The following CGN variants were observed in gnomAD, a reference collection of about 807,000 sequenced individuals.
CGN encodes cingulin.
In CGN, 121 loss-of-function variants were observed where a neutral mutation model predicts 157.1. The ratio of observed to expected loss-of-function variants is 0.77; its 90% confidence interval spans 0.66 to 0.90. The LOEUF (loss-of-function observed/expected upper bound fraction) is 0.90, where lower values mean the gene tolerates loss of function less well. CGN is among the 40% of genes least tolerant of loss of function. CGN has a pLI of 0.00. For synonymous variants in CGN, 535 were observed against 607.5 expected (o/e 0.88, Z 1.76); for missense variants, 1,424 against 1,520.9 (o/e 0.94, Z 1.06).
In CGN at chr1:151,532,488, G is replaced by C. The variant is rs749274157; in HGVS notation, c.2658G>C (p.Glu886Asp). 3 of 1,610,484 alleles carry C rather than the reference G, an allele frequency of 1.9e-6. No homozygotes were observed. The South Asian group carries it at 3.3e-5, about 18-fold the overall frequency. Residue 886 changes from glutamate (E) to aspartate (D), a missense_variant, in exon 14 of 21, where the codon GAG becomes GAC. Glu to Asp is a conservative substitution (Grantham distance 45). This residue lies in a region of CGN where 1,187 missense variants were observed against 1,217.6 expected (regional missense o/e 0.97). Transcript: ENST00000271636. The stretch of plus-strand genomic sequence containing the variant: ...ATTATAAGGAAAAGGCCCGGCGGGA[G>C]GTGGCAGATGCCCAGCGCCAGGCCA... ...LEDYKEKARR[E>D]VADAQRQAKD... is the part of the protein sequence containing the mutation.
At chr1:151,520,305 C>T (rs1450212771) in intron 3 of CGN, 39 bp downstream of exon 3, 1 of 1,570,568 alleles carries the variant, frequency 6.4e-7, no homozygotes, top group Non-Finnish European at 8.8e-7. Flanking sequence ...GCATACCCCT[C>T]CTTCTTTTTC....
At chr1:151,532,645 A>C (rs1212359182) in intron 14 of CGN, 73 bp downstream of exon 14, 9 of 1,188,050 alleles carry the variant, frequency 7.6e-6, no homozygotes, top group Middle Eastern at 3.2e-4. Flanking sequence ...TCCGAGACAG[A>C]GTCTCACTCT....
rs559529153 is a variant in CGN at position 151,532,701 on chromosome 1, G to A, written c.2742+129G>A. The A allele has an allele frequency of 1.4e-4, 96 of 664,590 alleles. No individual in the cohort carries two copies. In the South Asian group the frequency reaches 3.2e-3, roughly 22 times the overall value. The allele number at this position is 664,590 out of a possible 1,614,324, so 41.2% of individuals were successfully genotyped here. ...GTGGCGCGATCTTGGCTCACTGCAAGCTCTGCCTCCGGGGTTCACACCATT... is the reference window on the plus strand; with the variant it reads ...GTGGCGCGATCTTGGCTCACTGCAAACTCTGCCTCCGGGGTTCACACCATT... On this transcript the variant is annotated intron_variant, in intron 14 of 20. Coordinates refer to ENST00000271636, the MANE Select transcript of CGN (RefSeq NM_020770.3).
chr1:151,534,169 G>T, intron 15 of CGN, 33 bp downstream of exon 15: 2 of 1,541,022 alleles, frequency 1.3e-6, no homozygotes, highest in South Asian at 2.4e-5. Flanking sequence ...TGTGGAAAAA[G>T]GGTGGGACTT....
intron 20 of CGN, 30 bp downstream of exon 20, chr1:151,536,923 T>C (rs573897294): frequency 4.9e-5 from 79 of 1,606,326 alleles, no homozygotes; most frequent in Admixed American, 6.7e-5. Flanking sequence ...CCTTGCTCCA[T>C]AGGGACACTA....
In CGN at chr1:151,524,923, C is replaced by T. The variant is rs944457625; in HGVS notation, c.1614+37C>T. ...GAGCAGGGTCTGAGAGAGGAGGGCA[C>T]TGCTGGAGAACAAGGCTGCCTTGGG... On this transcript the variant is annotated intron_variant, in intron 8 of 20. Transcript: ENST00000271636. This position sits in a 1 kb window ranked among gnomAD's most constrained non-coding sequence, Gnocchi z 4.4. 2 of 1,555,594 alleles carry T rather than the reference C, an allele frequency of 1.3e-6. No individual in the cohort carries two copies. The highest frequency in any genetic ancestry group is 1.8e-6 in the Non-Finnish European group (2 of 1,136,332).
rs2102506171 is a variant in CGN, at chr1:151,537,633, G to A, written c.*287G>A. On this transcript the variant is annotated 3_prime_UTR_variant, in exon 21 of 21. Transcript: ENST00000271636. Reference sequence around the variant, plus strand: ...GTGGAAGGATGGTCAGCATTAGGCTGATGGGGACTGAGAAGGATAGGAAGG... The same window carrying A: ...GTGGAAGGATGGTCAGCATTAGGCTAATGGGGACTGAGAAGGATAGGAAGG... 3.1e-6 allele frequency: 1 copy of A among 326,542 alleles called. No individual in the cohort carries two copies. Among genetic ancestry groups the A allele is most frequent in the East Asian group, 5.3e-5 (1 of 18,904 alleles). The allele number at this position is 326,542 out of a possible 1,614,324, so 20.2% of individuals were successfully genotyped here.
intron 5 of CGN, 114 bp from the exon 6 acceptor site, chr1:151,523,320 T>C (rs2337359): frequency 0.24 from 229,835 of 940,396 alleles, 39,199 homozygotes; most frequent in East Asian, 0.79. Context: ...GTCCTAAGTA[T>C]AGTGTCTATC....
rs1664954514 is a variant in CGN at position 151,535,772 on chromosome 1, C to T, written c.3079-8C>T. The T allele has an allele frequency of 2.5e-6, 4 of 1,612,914 alleles. No homozygotes were observed. The highest frequency in any genetic ancestry group is 1.3e-5 in the African/African-American group (1 of 74,862). The stretch of plus-strand genomic sequence containing the variant: ...GTGCTAACTGTGGAGGCTTCCTGTC[C>T]CTCTCAGAACAAGGACCTGAAGACC... On this transcript the variant is annotated splice_polypyrimidine_tract_variant and splice_region_variant and intron_variant, in intron 17 of 20. Transcript: ENST00000271636.
chr1:151,513,983 C>G (rs906419876), intron 1 of CGN, among the ~76,000 whole-genome samples: 3 of 152,246 alleles, frequency 2.0e-5, no homozygotes, highest in Non-Finnish European at 4.4e-5. Context: ...CCCTTGATCA[C>G]TGTTTACCTG....
intron 12 of CGN, 110 bp from the exon 13 acceptor site, chr1:151,530,378 GC>G: frequency 7.6e-7 from 1 of 1,322,670 alleles, no homozygotes; most frequent in African/African-American, 1.5e-5. Flanking sequence ...TGTTTTCATT[GC>G]ACATCATTTT....
Position 151,527,031 on chromosome 1 carries a change from T to C in CGN, c.1820T>C (p.Ile607Thr), listed in dbSNP as rs776563095. The C allele has an allele frequency of 3.1e-6, 5 of 1,614,058 alleles. No individual in the cohort carries two copies. In the African/African-American group the frequency reaches 4.0e-5, roughly 13 times the overall value. Residue 607 changes from isoleucine (I) to threonine (T), a missense_variant, in exon 10 of 21, where the codon ATA (isoleucine) becomes ACA (threonine). Physicochemically the swap from Ile to Thr is moderately conservative, Grantham distance 89. Around this residue, in one of 3 missense-constraint regions of CGN, gnomAD observed 1,187 missense variants for 1,217.6 expected, o/e 0.97. Coordinates refer to ENST00000271636, the MANE Select transcript of CGN (RefSeq NM_020770.3). ...EEMEEELGEK[I>T]EVLQRELEQA... ...ATGGAAGAGGAGCTTGGAGAGAAGA[T>C]AGAGGTCTTGCAGAGGGAATTAGAG...
chr1:151,535,108 C>A lies in CGN; in HGVS notation c.2971C>A (p.Arg991=), dbSNP rs752209462. Residue 991 remains arginine (R), a synonymous_variant, in exon 16 of 21, where the codon CGG becomes AGG. Coordinates refer to ENST00000271636, the MANE Select transcript of CGN (RefSeq NM_020770.3). ...EKNTVELLTD[R]VNRGRDQVDQ... Reference sequence around the variant, plus strand: ...GAACACCGTGGAGCTGCTAACAGATCGGGTGAATCGTGGCCGGGACCAGGT... The same window carrying A: ...GAACACCGTGGAGCTGCTAACAGATAGGGTGAATCGTGGCCGGGACCAGGT... 1.2e-6 allele frequency: 2 copies of A among 1,613,844 alleles called. No individual in the cohort carries two copies. The highest frequency in any genetic ancestry group is 8.5e-7 in the Non-Finnish European group (1 of 1,179,866).
chr1:151,527,266 C>T (rs1313452805), intron 10 of CGN, among the ~76,000 whole-genome samples, 159 bp downstream of exon 10: 1 of 152,164 alleles, frequency 6.6e-6, no homozygotes, highest in African/African-American at 2.4e-5. Flanking sequence ...CACAGCAGCA[C>T]CAGTCTCCTC....
In CGN at chr1:151,535,665, A is replaced by G. The variant is rs751997310; in HGVS notation, c.3060A>G (p.Lys1020=). The change falls in exon 17 of 21, where the codon AAA becomes AAG. Residue 1020 remains lysine (K), a synonymous_variant. Transcript: ENST00000271636. ...CTCGGCAGGACCTGGAGTGTGACAA[A>G]ATCTCCTTGGAGAGACAGGTGATGG... ...RSARQDLECD[K]ISLERQNKDL... The G allele has an allele frequency of 6.2e-7, 1 of 1,613,886 alleles. No individual in the cohort carries two copies. Among genetic ancestry groups the G allele is most frequent in the African/African-American group, 1.3e-5 (1 of 74,902 alleles).
rs776676596 is a variant in CGN at position 151,518,672 on chromosome 1, C to T, written c.153C>T (p.Tyr51=). The part of the protein sequence containing the change: ...RPAKDARAST[Y]GVAVRVQGIA... The stretch of plus-strand genomic sequence containing the variant: ...CTAAGGATGCAAGAGCCAGTACCTA[C>T]GGGGTTGCTGTGCGTGTGCAGGGAA... Residue 51 remains tyrosine (Y), a synonymous_variant, in exon 2 of 21, where the codon TAC becomes TAT. Transcript: ENST00000271636. 21 of 1,614,024 alleles carry T rather than the reference C, an allele frequency of 1.3e-5. No individual in the cohort carries two copies. Among genetic ancestry groups the T allele is most frequent in the Admixed American group, 3.3e-5 (2 of 59,998 alleles).
At chr1:151,532,003 C>T (rs753941017) in intron 13 of CGN, among the ~76,000 whole-genome samples, 11 of 151,936 alleles carry the variant, frequency 7.2e-5, no homozygotes, top group Admixed American at 1.3e-4. Context: ...CTTAGTGGTA[C>T]GCCGTATAAT....
Position 151,537,185 on chromosome 1 carries a change from T to C in CGN, c.3471-20T>C. ...TTTCTATTTTCCCCTCCCCAACCAT[T>C]ATTCTTCTCTCTGAGTCAGGCGCAA... On this transcript the variant is annotated intron_variant, in intron 20 of 20. Coordinates refer to ENST00000271636, the MANE Select transcript of CGN (RefSeq NM_020770.3). The C allele has an allele frequency of 6.2e-7, 1 of 1,604,918 alleles. No individual in the cohort carries two copies. The highest frequency in any genetic ancestry group is 8.5e-7 in the Non-Finnish European group (1 of 1,175,714).
chr1:151,534,974 C>T (rs1664924241), intron 15 of CGN, 68 bp from the exon 16 acceptor site: 3 of 1,103,952 alleles, frequency 2.7e-6, no homozygotes, highest in Non-Finnish European at 4.1e-6. Flanking sequence ...GTTTGAGAGG[C>T]TCCTGGTCTG....
Sources: gnomAD v4.1 joint callset for allele counts (sites outside exome capture counted in the v4.1 genomes callset) on GRCh38, gnomAD v4.1.1 for gene constraint, gnomAD v4.1.1 regional missense constraint, Gnocchi (gnomAD v3.1) non-coding constraint, MANE v1.5 for transcripts, NCBI Gene and HGNC (gene_info 2026-07-23, HGNC 2026-07-21) for gene names.